PDCD11: variants seen among roughly 807,000 people sequenced by gnomAD.
PDCD11 encodes the protein protein RRP5 homolog.
A neutral mutation model predicts 198.9 loss-of-function variants in PDCD11; 97 were observed. The ratio of observed to expected loss-of-function variants is 0.49; its 90% CI spans 0.41 to 0.58. The LOEUF is 0.58. Among genes scored for constraint, PDCD11 ranks in the 20% least tolerant of loss-of-function variants. The pLI, the probability that PDCD11 is intolerant of heterozygous loss-of-function variation, is 0.00. For missense variants in PDCD11, 2,102 were observed against 2,312.7 expected (o/e 0.91, Z 1.87); for synonymous variants, 893 against 918.0 (o/e 0.97, Z 0.49).
rs1479014091 is a variant in PDCD11 at position 103,422,996 on chromosome 10, T to G, written c.2506T>G (p.Leu836Val). 5 of 1,553,698 alleles carry G rather than the reference T, an allele frequency of 3.2e-6. No homozygotes were observed. Among genetic ancestry groups the G allele is most frequent in the Admixed American group, 2.0e-5 (1 of 50,582 alleles). ...CTTTGGATCTCTGGCAGACTCTGTG[T>G]TGATCCAGACGCTGGCCGAGATGAC... ...RSLMSNRDSV[L>V]IQTLAEMTPG... The change falls in exon 18 of 36, where the codon TTG becomes GTG. Residue 836 changes from leucine (L) to valine (V), a missense_variant. By Grantham distance (32) the Leu-to-Val change is conservative. Coordinates refer to ENST00000369797, the MANE Select transcript of PDCD11 (RefSeq NM_014976.2).
intron 26 of PDCD11, among the ~76,000 whole-genome samples, 176 bp downstream of exon 26, chr10:103,438,247 G>A (rs2032233885): frequency 6.6e-6 from 1 of 152,184 alleles, no homozygotes; most frequent in African/African-American, 2.4e-5. Flanking sequence ...CAAGAATCCT[G>A]TCTGCTCAGG....
intron 7 of PDCD11, among the ~76,000 whole-genome samples, chr10:103,408,731 G>T (rs1313342950): frequency 1.3e-5 from 2 of 151,924 alleles, no homozygotes; most frequent in African/African-American, 4.8e-5. Context: ...GTAGAGACAG[G>T]GTTTCACTGT....
In PDCD11 at chr10:103,440,401, G is replaced by A. The variant is rs920017927; in HGVS notation, c.4260G>A (p.Arg1420=). 31 of 1,614,080 alleles carry A rather than the reference G, an allele frequency of 1.9e-5. No homozygotes were observed. The highest frequency in any genetic ancestry group is 2.5e-5 in the Non-Finnish European group (29 of 1,180,046). ...GGCAACTTACAAAGCAAGAGGAGAG[G>A]AAAACAGAGGCTGAGGAGAGAGACC... is the stretch of plus-strand genomic sequence containing the variant. The part of the protein sequence containing the change: ...LEGQLTKQEE[R]KTEAEERDQK... Residue 1420 remains arginine (R), a synonymous_variant, in exon 29 of 36, where the codon AGG becomes AGA. Transcript: ENST00000369797.
At chr10:103,406,862 T>A in intron 7 of PDCD11, 72 bp downstream of exon 7, 1 of 1,246,084 alleles carries the variant, frequency 8.0e-7, no homozygotes, top group Non-Finnish European at 1.1e-6. Flanking sequence ...GCATAAAGTC[T>A]AAAACTACTG....
intron 7 of PDCD11, among the ~76,000 whole-genome samples, chr10:103,409,300 C>T (rs886370582): frequency 6.6e-6 from 1 of 150,656 alleles, no homozygotes; most frequent in Non-Finnish European, 1.5e-5. Flanking sequence ...CAGTATCTCC[C>T]TTTTGCAAGC....
chr10:103,405,408 T>TA, intron 5 of PDCD11: 1 of 369,254 alleles, frequency 2.7e-6, no homozygotes. Context: ...AGTCCAAATT[T>TA]CTTTTTTTTT....
At chr10:103,406,389 C>T (rs1221366665) in intron 6 of PDCD11, among the ~76,000 whole-genome samples, 1 of 152,180 alleles carries the variant, frequency 6.6e-6, no homozygotes, top group Non-Finnish European at 1.5e-5. Flanking sequence ...CCAGCAGTCT[C>T]CTGGCTTGTG....
intron 22 of PDCD11, among the ~76,000 whole-genome samples, chr10:103,433,205 G>C (rs2032006945): frequency 6.6e-6 from 1 of 152,100 alleles, no homozygotes; most frequent in Non-Finnish European, 1.5e-5. Context: ...ATTGGAGTAT[G>C]TATTTACGGC....
rs1166844915 is a variant in PDCD11, at chr10:103,406,059, T to C, written c.639T>C (p.Ala213=). 1 of 1,613,940 alleles carries C rather than the reference T, an allele frequency of 6.2e-7. No individual in the cohort carries two copies. Among genetic ancestry groups the C allele is most frequent in the Admixed American group, 1.7e-5 (1 of 59,982 alleles). The stretch of plus-strand genomic sequence containing the variant: ...ACATTGGTGTTGATGGGACCAGAGC[T>C]TTTCTGCCACTGCTGAAAGCCCAGG... The part of the protein sequence containing the change: ...LVDIGVDGTR[A]FLPLLKAQEY... Residue 213 remains alanine (A), a synonymous_variant, in exon 6 of 36, where the codon GCT becomes GCC. Coordinates refer to ENST00000369797, the MANE Select transcript of PDCD11 (RefSeq NM_014976.2).
In PDCD11 at chr10:103,418,646, T is replaced by C; in HGVS notation, c.2106+12T>C. The C allele has an allele frequency of 6.2e-7, 1 of 1,609,436 alleles. No homozygotes were observed. The highest frequency in any genetic ancestry group is 8.5e-7 in the Non-Finnish European group (1 of 1,176,572). On this transcript the variant is annotated intron_variant, in intron 15 of 35. Coordinates refer to ENST00000369797, the MANE Select transcript of PDCD11 (RefSeq NM_014976.2). ...GCGAGGGGCGTGTTGTATCCTTGAC[T>C]GGTATCTGTGGAGCAGAGGAAGGTG...
At position 103,423,036 on chromosome 10, in the gene PDCD11, T is replaced by C; in HGVS notation, c.2546T>C (p.Leu849Pro). Residue 849 changes from leucine to proline, a missense_variant, in exon 18 of 36, where the codon CTT becomes CCT. Leu to Pro is a moderately conservative substitution (Grantham distance 98). Transcript: ENST00000369797. ...TLAEMTPGMF[L>P]DLVVQEVLED... is the part of the protein sequence containing the mutation. ...GCCGAGATGACCCCAGGAATGTTCC[T>C]TGACCTAGTGGTGCAGGAGGTGTTG... The C allele has an allele frequency of 6.2e-7, 1 of 1,604,296 alleles. No individual in the cohort carries two copies. Among genetic ancestry groups the C allele is most frequent in the Non-Finnish European group, 8.5e-7 (1 of 1,174,996 alleles).
At chr10:103,439,371 T>C (rs1362555333) in intron 27 of PDCD11, among the ~76,000 whole-genome samples, 1 of 152,108 alleles carries the variant, frequency 6.6e-6, no homozygotes, top group Non-Finnish European at 1.5e-5. Flanking sequence ...AAAAAATACA[T>C]AAATGTGGAT....
At chr10:103,444,708 G>T in intron 35 of PDCD11, 26 bp downstream of exon 35, 1 of 1,609,380 alleles carries the variant, frequency 6.2e-7, no homozygotes, top group Non-Finnish European at 8.5e-7. Flanking sequence ...GGCCAAGGCC[G>T]AGTTCCTCAG....
At chr10:103,409,887 GTCCTAGGACT>G in intron 8 of PDCD11, 81 bp downstream of exon 8, 1 of 993,890 alleles carries the variant, frequency 1.0e-6, no homozygotes, top group Non-Finnish European at 1.6e-6. Flanking sequence ...CTACAGGGAG[GTCCTAGGACT>G]GCATGCATAC....
chr10:103,443,354 C>G (rs781773588), intron 33 of PDCD11, 21 bp downstream of exon 33: 1 of 1,585,500 alleles, frequency 6.3e-7, no homozygotes, highest in Non-Finnish European at 8.6e-7. Flanking sequence ...GGGCCACAGA[C>G]GAACTCCTGG....
chr10:103,434,598 G>A, intron 24 of PDCD11, 200 bp from the exon 25 acceptor site: 1 of 589,166 alleles, frequency 1.7e-6, no homozygotes, highest in Non-Finnish European at 3.0e-6. Context: ...CAAGTCCCTG[G>A]GAAAGAGTTG....
chr10:103,401,905 G>A (rs2133672963), intron 3 of PDCD11, among the ~76,000 whole-genome samples: 1 of 152,222 alleles, frequency 6.6e-6, no homozygotes, highest in Non-Finnish European at 1.5e-5. Context: ...ACCACGCCCA[G>A]CTAAGTTTTT....
intron 34 of PDCD11, 133 bp from the exon 35 acceptor site, chr10:103,444,384 T>A: frequency 1.1e-6 from 1 of 869,836 alleles, no homozygotes; most frequent in Non-Finnish European, 1.8e-6. Flanking sequence ...TTTGGGTCTT[T>A]GTCCCTCTTG....
chr10:103,442,511 G>A (rs2032431930), intron 32 of PDCD11, 51 bp downstream of exon 32: 1 of 1,583,716 alleles, frequency 6.3e-7, no homozygotes. Flanking sequence ...TCTGGGCTGG[G>A]AAGTTTCTCA....
Sources: allele counts gnomAD v4.1 joint callset (sites outside exome capture counted in the v4.1 genomes callset), GRCh38; gene constraint gnomAD v4.1.1; transcripts MANE v1.5; gene names NCBI Gene and HGNC (gene_info 2026-07-23, HGNC 2026-07-21).